PDPN: variants seen among roughly 807,000 people sequenced by gnomAD.
PDPN encodes the protein PA2.26 antigen.
PDPN carries 12 observed loss-of-function variants against 23.2 expected under a neutral mutation model. The ratio of observed to expected loss-of-function variants is 0.52; its 90% CI spans 0.33 to 0.84. The LOEUF (loss-of-function observed/expected upper bound fraction) is 0.84. Among genes scored for constraint, PDPN ranks in the 40% least tolerant of loss-of-function variants. The pLI is 0.02. For missense variants in PDPN, 199 were observed against 212.2 expected, an observed-to-expected ratio of 0.94 and a Z score of 0.39; for synonymous variants, 77 against 76.7, an observed-to-expected ratio of 1.00 and a Z score of -0.02.
chr1:13,583,904 T>C lies in PDPN; in HGVS notation c.-130T>C. 1 of 1,611,872 alleles carries C rather than the reference T, an allele frequency of 6.2e-7. No individual in the cohort carries two copies. Among genetic ancestry groups the C allele is most frequent in the Non-Finnish European group, 8.5e-7 (1 of 1,178,854 alleles). The stretch of plus-strand genomic sequence containing the variant: ...CACCCTCCCTCTCCGGGGCTCCTGC[T>C]CCCACCCCTCCGGCCCCCCCACCGT... On this transcript the variant is annotated 5_prime_UTR_variant, in exon 1 of 6. Transcript: ENST00000621990.
chr1:13,598,555 C>T (rs1248023502), intron 1 of PDPN, among the ~76,000 whole-genome samples: 1 of 152,174 alleles, frequency 6.6e-6, no homozygotes, highest in Non-Finnish European at 1.5e-5. Context: ...TGGGACTCAA[C>T]TGAGGTCATC....
intron 1 of PDPN, among the ~76,000 whole-genome samples, chr1:13,598,023 TCTTTC>T (rs1640542886): frequency 6.6e-6 from 1 of 151,944 alleles, no homozygotes. Flanking sequence ...TTTTTCTTTC[TCTTTC>T]CTTTCTTTTC....
chr1:13,616,925 C>G lies in PDPN; in HGVS notation c.*1014C>G, dbSNP rs1243453340. 1 of 152,208 alleles carries G rather than the reference C, an allele frequency of 6.6e-6. No individual in the cohort carries two copies. The highest frequency in any genetic ancestry group is 1.9e-4 in the East Asian group (1 of 5,206). The allele number at this position is 152,208 out of a possible 1,614,324, so 9.4% of individuals were successfully genotyped here. ...TAAAATCTGCCAGTTTTATAACATTCACTTTCTGCCTCTGAGGAAAGATAC... is the reference window on the plus strand; with the variant it reads ...TAAAATCTGCCAGTTTTATAACATTGACTTTCTGCCTCTGAGGAAAGATAC... On this transcript the variant is annotated 3_prime_UTR_variant, in exon 6 of 6. Coordinates refer to ENST00000621990, the MANE Select transcript of PDPN (RefSeq NM_006474.5).
intron 1 of PDPN, among the ~76,000 whole-genome samples, chr1:13,590,917 A>G (rs568870995): frequency 2.6e-5 from 4 of 152,144 alleles, no homozygotes; most frequent in South Asian, 2.1e-4. Flanking sequence ...ATGTGGTGAC[A>G]ACAGAAAGCG....
At chr1:13,612,412 A>G (rs74892596) in intron 3 of PDPN, among the ~76,000 whole-genome samples, 2,571 of 152,264 alleles carry the variant, frequency 0.017, 76 homozygotes, top group African/African-American at 0.059. Context: ...TTTCTAACCA[A>G]TGGTGTCTTT....
intron 1 of PDPN, among the ~76,000 whole-genome samples, chr1:13,596,173 T>C (rs1640492062): frequency 1.4e-5 from 2 of 141,634 alleles, no homozygotes; most frequent in South Asian, 4.4e-4. Context: ...CACTCTAGCC[T>C]GGGTGACAGA....
intron 1 of PDPN, among the ~76,000 whole-genome samples, chr1:13,587,491 GGA>G (rs1428779166): frequency 6.6e-6 from 1 of 152,040 alleles, no homozygotes. Flanking sequence ...GGAGGAGGAG[GGA>G]GAGAGAACTC....
At chr1:13,615,649 G>C (rs1424520228) in intron 5 of PDPN, among the ~76,000 whole-genome samples, 2 of 152,138 alleles carry the variant, frequency 1.3e-5, no homozygotes, top group East Asian at 3.9e-4. Context: ...GAGAGGACAA[G>C]TGATAAACAC....
At chr1:13,611,279 A>G (rs1266790696) in intron 3 of PDPN, among the ~76,000 whole-genome samples, 4 of 151,000 alleles carry the variant, frequency 2.6e-5, no homozygotes, top group African/African-American at 9.7e-5. Flanking sequence ...TTTTTTTTGT[A>G]CCCCCATGTT....
intron 1 of PDPN, among the ~76,000 whole-genome samples, chr1:13,584,931 G>A (rs974250934): frequency 2.0e-5 from 3 of 152,190 alleles, no homozygotes; most frequent in African/African-American, 7.2e-5. Context: ...GGGTTGCTGT[G>A]TTGGTGGTCT....
At chr1:13,588,996 A>ATTGAATAGCGCTAC in intron 1 of PDPN, among the ~76,000 whole-genome samples, 1 of 151,838 alleles carries the variant, frequency 6.6e-6, no homozygotes, top group Non-Finnish European at 1.5e-5. Context: ...TATTCAATAA[A>ATTGAATAGCGCTAC]TATTTATTGA....
intron 1 of PDPN, among the ~76,000 whole-genome samples, chr1:13,605,282 A>AAGCAGTG (rs1640753397): frequency 6.6e-6 from 1 of 152,238 alleles, no homozygotes; most frequent in African/African-American, 2.4e-5. Flanking sequence ...AGTGCTGCCT[A>AAGCAGTG]GAGACAAACA....
chr1:13,612,241 G>A (rs1009979662), intron 3 of PDPN, among the ~76,000 whole-genome samples: 2 of 152,100 alleles, frequency 1.3e-5, no homozygotes, highest in Admixed American at 6.6e-5. Context: ...ATTTTATTAG[G>A]GCAGCAGATG....
intron 2 of PDPN, among the ~76,000 whole-genome samples, chr1:13,609,997 A>G (rs1188114726): frequency 1.3e-5 from 2 of 152,134 alleles, no homozygotes; most frequent in African/African-American, 2.4e-5. Context: ...CTGGAAGGCA[A>G]AGCTTGCGGT....
intron 1 of PDPN, chr1:13,595,891 GA>G: frequency 7.8e-7 from 1 of 1,287,892 alleles, no homozygotes; most frequent in Non-Finnish European, 1.0e-6. Flanking sequence ...CATAAATACA[GA>G]AGATAATTTT....
intron 5 of PDPN, 128 bp from the exon 6 acceptor site, chr1:13,615,777 A>G (rs950682688): frequency 4.5e-6 from 4 of 889,460 alleles, no homozygotes; most frequent in Admixed American, 1.9e-5. Flanking sequence ...TGTCAGGAAC[A>G]AGAGATGATC....
chr1:13,616,235 ATATGCTGTAAC>A lies in PDPN; in HGVS notation c.*325_*335del. On this transcript the variant is annotated 3_prime_UTR_variant, in exon 6 of 6. Transcript: ENST00000621990. The stretch of plus-strand genomic sequence containing the variant: ...AACACTGGACCATTGGATCGATATT[ATATGCTGTAAC>A]CATGTGTCTCCGTCTGACCATTCTT... 2 of 408,992 alleles carry A rather than the reference ATATGCTGTAAC, an allele frequency of 4.9e-6. No homozygotes were observed. Among genetic ancestry groups the A allele is most frequent in the South Asian group, 6.7e-5 (2 of 29,934 alleles). The allele number at this position is 408,992 out of a possible 1,614,324, so 25.3% of individuals were successfully genotyped here.
intron 1 of PDPN, among the ~76,000 whole-genome samples, chr1:13,594,224 G>A (rs754603367): frequency 6.6e-6 from 1 of 152,206 alleles, no homozygotes; most frequent in Non-Finnish European, 1.5e-5. Flanking sequence ...TGTAGATGCT[G>A]GTGGGGAGGA....
At chr1:13,598,465 GCTT>G (rs1245888089) in intron 1 of PDPN, among the ~76,000 whole-genome samples, 1 of 152,098 alleles carries the variant, frequency 6.6e-6, no homozygotes, top group Non-Finnish European at 1.5e-5. Context: ...AAGAATCTAA[GCTT>G]CTCCCTGCTT....
Sources: allele counts gnomAD v4.1 joint callset (sites outside exome capture counted in the v4.1 genomes callset), GRCh38; gene constraint gnomAD v4.1.1; transcripts MANE v1.5; gene names NCBI Gene and HGNC (gene_info 2026-07-23, HGNC 2026-07-21).